Variants in EXOC5 observed in about 807,000 individuals in gnomAD.
EXOC5 encodes exocyst complex component 5, also known as SEC10-like 1.
In EXOC5, 17 loss-of-function variants were observed where a neutral mutation model predicts 90.8. The observed-to-expected ratio is 0.19, with a 90% confidence interval of 0.13 to 0.28. The LOEUF is 0.28. Ranked by LOEUF, EXOC5 falls within the 10% of genes least tolerant of loss-of-function variation. EXOC5 has a pLI of 1.00. For synonymous variants in EXOC5, 260 were observed against 270.0 expected (o/e 0.96, Z 0.36); for missense variants, 569 against 830.6 (o/e 0.69, Z 3.87).
intron 7 of EXOC5, 110 bp from the exon 8 acceptor site, chr14:57,234,142 C>T (rs993931303): frequency 4.8e-5 from 35 of 722,098 alleles, no homozygotes; most frequent in Non-Finnish European, 5.1e-5. Flanking sequence ...CAGTAAATGG[C>T]CAATAGCAAC....
At chr14:57,216,627 CA>C (rs1427651505) in intron 15 of EXOC5, among the ~76,000 whole-genome samples, 1 of 152,022 alleles carries the variant, frequency 6.6e-6, no homozygotes, top group Admixed American at 6.6e-5. Context: ...ATACTCTACA[CA>C]AAAAAACCCA....
Position 57,205,744 on chromosome 14 carries a change from AG to A in EXOC5, c.*2864del, listed in dbSNP as rs997523457. On this transcript the variant is annotated 3_prime_UTR_variant, in exon 18 of 18. Coordinates refer to ENST00000621441, the MANE Select transcript of EXOC5 (RefSeq NM_006544.4). ...AAAGCAAAATATTTAGAAGTGAAAG[AG>A]GGGGGAAAAAAGAATGATCTACAAT... The A allele has an allele frequency of 3.3e-5, 13 of 388,464 alleles. No homozygotes were observed. The highest frequency in any genetic ancestry group is 2.5e-4 in the South Asian group (13 of 51,952). The allele number at this position is 388,464 out of a possible 1,614,324, so 24.1% of individuals were successfully genotyped here. A position where few individuals can be genotyped will look rare whatever the true frequency, so the allele number is the denominator to read the frequency against.
At chr14:57,244,833 C>A (rs1430673454) in intron 3 of EXOC5, among the ~76,000 whole-genome samples, 1 of 152,082 alleles carries the variant, frequency 6.6e-6, no homozygotes, top group East Asian at 1.9e-4. Context: ...CCAATCTCTA[C>A]TAAAAATACA....
At chr14:57,264,643 C>T (rs1048771817) in intron 1 of EXOC5, among the ~76,000 whole-genome samples, 3 of 152,198 alleles carry the variant, frequency 2.0e-5, no homozygotes, top group African/African-American at 7.2e-5. Context: ...ATCTCCAGGG[C>T]CTACAACCCT....
chr14:57,205,895 C>G lies in EXOC5; in HGVS notation c.*2714G>C. 2 of 455,932 alleles carry G rather than the reference C, an allele frequency of 4.4e-6. No individual in the cohort carries two copies. The highest frequency in any genetic ancestry group is 6.5e-4 in the Middle Eastern group (2 of 3,068). The allele number at this position is 455,932 out of a possible 1,614,324, so 28.2% of individuals were successfully genotyped here. ...CCTCAAAATGGGACCAAAAATTGTC[C>G]TGGAATGGTCAGGTGGTCATCCATC... On this transcript the variant is annotated 3_prime_UTR_variant, in exon 18 of 18. Coordinates refer to ENST00000621441, the MANE Select transcript of EXOC5 (RefSeq NM_006544.4).
chr14:57,217,180 A>G (rs979258185), intron 15 of EXOC5, among the ~76,000 whole-genome samples: 3 of 152,208 alleles, frequency 2.0e-5, no homozygotes, highest in Non-Finnish European at 2.9e-5. Flanking sequence ...TGGTACAGCC[A>G]TTAAGGAAAA....
chr14:57,225,143 T>C (rs1273501673), intron 12 of EXOC5, among the ~76,000 whole-genome samples: 2 of 152,030 alleles, frequency 1.3e-5, no homozygotes, highest in Non-Finnish European at 2.9e-5. Flanking sequence ...TCCAACAATA[T>C]ATAAATATGA....
intron 1 of EXOC5, among the ~76,000 whole-genome samples, chr14:57,263,261 T>C (rs1007916365): frequency 6.6e-6 from 1 of 152,028 alleles, no homozygotes; most frequent in Non-Finnish European, 1.5e-5. Flanking sequence ...ACTTGTGTCC[T>C]GGAGTTGGAG....
At chr14:57,213,647 G>A (rs1343029370) in intron 15 of EXOC5, among the ~76,000 whole-genome samples, 1 of 151,870 alleles carries the variant, frequency 6.6e-6, no homozygotes, top group African/African-American at 2.4e-5. Context: ...CTGAGCCACT[G>A]TGCCTGGCCA....
chr14:57,244,720 G>T (rs753993270), intron 3 of EXOC5, among the ~76,000 whole-genome samples: 1 of 152,112 alleles, frequency 6.6e-6, no homozygotes, highest in Non-Finnish European at 1.5e-5. Context: ...GAGCTCTCTT[G>T]CTACTAAACT....
intron 1 of EXOC5, among the ~76,000 whole-genome samples, chr14:57,250,231 G>A (rs962981092): frequency 6.6e-6 from 1 of 152,170 alleles, no homozygotes; most frequent in Non-Finnish European, 1.5e-5. Context: ...AAAGAGGCCA[G>A]TGTGACTAAA....
At chr14:57,256,991 T>C (rs567095641) in intron 1 of EXOC5, among the ~76,000 whole-genome samples, 65 of 152,306 alleles carry the variant, frequency 4.3e-4, no homozygotes, top group Non-Finnish European at 8.7e-4. Flanking sequence ...TTCTGCATAC[T>C]AAACTGTCTC....
chr14:57,221,794 T>A (rs1019385331), intron 13 of EXOC5, among the ~76,000 whole-genome samples: 1 of 152,144 alleles, frequency 6.6e-6, no homozygotes, highest in Non-Finnish European at 1.5e-5. Flanking sequence ...ATTTTGGATA[T>A]GTTAAGTTTG....
intron 13 of EXOC5, among the ~76,000 whole-genome samples, chr14:57,220,385 T>C (rs958908711): frequency 6.6e-6 from 1 of 152,154 alleles, no homozygotes; most frequent in Non-Finnish European, 1.5e-5. Flanking sequence ...TTTTTTTCTT[T>C]ATAGGCATCA....
At chr14:57,268,549 G>A in intron 1 of EXOC5, 73 bp downstream of exon 1, 1 of 1,545,260 alleles carries the variant, frequency 6.5e-7, no homozygotes, top group South Asian at 1.2e-5. Flanking sequence ...GCAAACGCCC[G>A]CTCCTCGGCC....
chr14:57,235,846 C>T (rs1245435917), intron 6 of EXOC5, 26 bp from the exon 7 acceptor site: 3 of 1,150,956 alleles, frequency 2.6e-6, no homozygotes, highest in Admixed American at 4.0e-5. Context: ...TTCAGCTACA[C>T]TGAGGCATAC....
At chr14:57,234,100 G>A in intron 7 of EXOC5, 68 bp from the exon 8 acceptor site, 2 of 1,194,114 alleles carry the variant, frequency 1.7e-6, no homozygotes, top group South Asian at 1.3e-5. Flanking sequence ...AAAAAAAGAA[G>A]TGTTATATGT....
At chr14:57,226,294 G>A (rs10135805) in intron 12 of EXOC5, among the ~76,000 whole-genome samples, 37,021 of 152,022 alleles carry the variant, frequency 0.24, 10,869 homozygotes, top group African/African-American at 0.71. Flanking sequence ...GTGATTTGGG[G>A]GTCCAGAGAT....
At chr14:57,234,510 C>CGTGT (rs375548706) in intron 7 of EXOC5, among the ~76,000 whole-genome samples, 5,141 of 130,498 alleles carry the variant, frequency 0.039, 172 homozygotes, top group African/African-American at 0.085. Context: ...TGTATATATA[C>CGTGT]GTGTGTGTGT....
Sources: gnomAD v4.1 joint callset for allele counts (sites outside exome capture counted in the v4.1 genomes callset) on GRCh38, gnomAD v4.1.1 for gene constraint, MANE v1.5 for transcripts, NCBI Gene and HGNC (gene_info 2026-07-23, HGNC 2026-07-21) for gene names.